The following TMEM145 variants were observed in gnomAD, a reference collection of about 807,000 sequenced individuals.
TMEM145 encodes transmembrane protein 145.
A neutral mutation model predicts 68.5 loss-of-function variants in TMEM145; 46 were observed. That is an observed-to-expected ratio of 0.67 (90% CI 0.53 to 0.86). The LOEUF is 0.86. Ranked by LOEUF, TMEM145 falls within the 40% of genes least tolerant of loss-of-function variation. The pLI is 0.00. For synonymous variants in TMEM145, 255 were observed against 280.2 expected (o/e 0.91, Z 0.90); for missense variants, 570 against 645.8 (o/e 0.88, Z 1.27).
Position 42,323,705 on chromosome 19 carries a change from G to A in TMEM145, c.1317G>A (p.Gln439=). The change falls in exon 14 of 15, where the codon CAG becomes CAA. Residue 439 remains glutamine (Q), a synonymous_variant. Transcript: ENST00000301204. ...AATCCGCTGACAAGGCCTTCCCGCA[G>A]CACGTCTATGGGAACGTGACGTTTA... is the stretch of plus-strand genomic sequence containing the variant. ...GSQSADKAFP[Q]HVYGNVTFIS... The A allele has an allele frequency of 6.2e-7, 1 of 1,614,214 alleles. No homozygotes were observed. Among genetic ancestry groups the A allele is most frequent in the Non-Finnish European group, 8.5e-7 (1 of 1,180,026 alleles).
At chr19:42,317,947 C>T (rs1443458795) in intron 12 of TMEM145, 66 bp downstream of exon 12, 8 of 1,573,562 alleles carry the variant, frequency 5.1e-6, no homozygotes. Flanking sequence ...GTGGTTGCCC[C>T]CCATCTCAGA....
chr19:42,315,205 G>A lies in TMEM145; in HGVS notation c.523G>A (p.Val175Met), dbSNP rs754528284. ...ATCGGCAGGGATCCTGGAGACAGAT[G>A]TGACCTTCCTCCTCATCTTCATCCT... Reference protein sequence around the residue: ...ADEFGILETDVTFLLIFILIF... With the variant: ...ADEFGILETDMTFLLIFILIF... Residue 175 changes from valine (V) to methionine (M), a missense_variant, in exon 7 of 15, where the codon GTG becomes ATG. Val to Met is a conservative substitution (Grantham distance 21, BLOSUM62 1). Coordinates refer to ENST00000301204, the MANE Select transcript of TMEM145 (RefSeq NM_173633.3). The A allele has an allele frequency of 6.2e-7, 1 of 1,609,122 alleles. No homozygotes were observed. The highest frequency in any genetic ancestry group is 1.1e-5 in the South Asian group (1 of 90,642).
chr19:42,314,709 C>T lies in TMEM145; in HGVS notation c.360+10C>T, dbSNP rs544123494. The T allele has an allele frequency of 1.9e-6, 3 of 1,614,218 alleles. No individual in the cohort carries two copies. Among genetic ancestry groups the T allele is most frequent in the East Asian group, 2.2e-5 (1 of 44,874 alleles). ...CTGGTCCGGCTGTCAGGTGCAGGCT[C>T]AGCCTGGGGGAGTGGGCAGGTGCTG... On this transcript the variant is annotated intron_variant, in intron 4 of 14. Coordinates refer to ENST00000301204, the MANE Select transcript of TMEM145 (RefSeq NM_173633.3).
Position 42,314,291 on chromosome 19 carries a change from G to T in TMEM145, c.140G>T (p.Arg47Ile), listed in dbSNP as rs753424832. 1.2e-6 allele frequency: 2 copies of T among 1,614,046 alleles called. No individual in the cohort carries two copies. Among genetic ancestry groups the T allele is most frequent in the South Asian group, 2.2e-5 (2 of 91,072 alleles). Reference protein sequence around the residue: ...SSKEDWVFLTRFCFLSDYGRL... With the variant: ...SSKEDWVFLTIFCFLSDYGRL... Reference sequence around the variant, plus strand: ...TTTCAGGACTGGGTGTTCCTGACAAGATTTTGTTTCCTCTCGGATTACGGC... The same window carrying T: ...TTTCAGGACTGGGTGTTCCTGACAATATTTTGTTTCCTCTCGGATTACGGC... The change falls in exon 2 of 15, where the codon AGA becomes ATA. Residue 47 changes from arginine to isoleucine, a missense_variant. Transcript: ENST00000301204.
chr19:42,321,528 TAC>T (rs2038912424), intron 13 of TMEM145: 2 of 175,864 alleles, frequency 1.1e-5, no homozygotes, highest in Middle Eastern at 4.6e-3. Context: ...TAGCTGGGAC[TAC>T]AGGCGCCCAC....
chr19:42,320,162 C>T (rs530850293), intron 12 of TMEM145, among the ~76,000 whole-genome samples, 155 bp from the exon 13 acceptor site: 2 of 152,292 alleles, frequency 1.3e-5, no homozygotes, highest in African/African-American at 4.8e-5. Context: ...CAGTCCTGCC[C>T]CATTTCAGTC....
intron 13 of TMEM145, chr19:42,320,929 C>T (rs529096345): frequency 7.5e-6 from 3 of 398,416 alleles, no homozygotes; most frequent in African/African-American, 6.2e-5. Context: ...TCGCCGGGCC[C>T]ATGCCCATTT....
rs1482352847 is a variant in TMEM145, at chr19:42,317,793, T to C, written c.985T>C (p.Trp329Arg). 6.2e-7 allele frequency: 1 copy of C among 1,614,132 alleles called. No individual in the cohort carries two copies. Among genetic ancestry groups the C allele is most frequent in the Non-Finnish European group, 8.5e-7 (1 of 1,180,022 alleles). The change falls in exon 12 of 15, where the codon TGG (tryptophan) becomes CGG (arginine). Residue 329 changes from tryptophan to arginine, a missense_variant. Trp to Arg is a moderately radical substitution (Grantham distance 101, BLOSUM62 -3). Transcript: ENST00000301204. ...TGGACTGCAGGTGGCGGCCTACGTG[T>C]GGTTCTGCTATGCTGTGCTTGTCTC... ...LIGLQVAAYVWFCYAVLVSLR... is the reference protein window; with the variant it reads ...LIGLQVAAYVRFCYAVLVSLR...
chr19:42,314,424 C>T (rs1333306385), intron 2 of TMEM145, 27 bp from the exon 3 acceptor site: 1 of 1,614,134 alleles, frequency 6.2e-7, no homozygotes, highest in East Asian at 2.2e-5. Flanking sequence ...GCCCCAGCTC[C>T]CGGTCCCCAA....
rs1363218774 is a variant in TMEM145, at chr19:42,317,986, C to T, written c.1073+105C>T. ...TCCATAGTGAGGGAGATGGACTTTT[C>T]ACTCAGGCAGCTGTTGCCCAGAATC... On this transcript the variant is annotated intron_variant, in intron 12 of 14. Transcript: ENST00000301204. 3.1e-6 allele frequency: 4 copies of T among 1,288,032 alleles called. No individual in the cohort carries two copies. In the African/African-American group the frequency reaches 4.4e-5, roughly 14 times the overall value. 79.8% of individuals were successfully genotyped at this position (1,288,032 alleles called of 1,614,324 possible).
chr19:42,316,762 G>T (rs774339261), intron 10 of TMEM145, 22 bp downstream of exon 10: 1 of 1,612,662 alleles, frequency 6.2e-7, no homozygotes, highest in East Asian at 2.2e-5. Flanking sequence ...GGGCGTGCTC[G>T]TGGGGCGGCT....
chr19:42,317,450 G>A (rs1474668628), intron 11 of TMEM145, among the ~76,000 whole-genome samples: 3 of 152,310 alleles, frequency 2.0e-5, no homozygotes, highest in East Asian at 1.9e-4. Context: ...GACCTACCTC[G>A]TTGAGTAGAT....
intron 11 of TMEM145, among the ~76,000 whole-genome samples, 191 bp from the exon 12 acceptor site, chr19:42,317,518 C>G (rs1017767984): frequency 6.6e-6 from 1 of 152,190 alleles, no homozygotes; most frequent in Non-Finnish European, 1.5e-5. Flanking sequence ...CAAACAGTAA[C>G]TGATTTATTC....
At chr19:42,324,463 G>A (rs2038949256) in intron 14 of TMEM145, 1 of 985,386 alleles carries the variant, frequency 1.0e-6, no homozygotes, top group South Asian at 4.7e-5. Flanking sequence ...CGGCAGCGCC[G>A]CACACCGGCT....
rs139243480 is a variant in TMEM145 at position 42,313,712 on chromosome 19, T to A, written c.120+216T>A. On this transcript the variant is annotated intron_variant, in intron 1 of 14. Coordinates refer to ENST00000301204, the MANE Select transcript of TMEM145 (RefSeq NM_173633.3). The surrounding 1 kb of genome is among the most constrained non-coding windows in gnomAD (Gnocchi z 5.1). The stretch of plus-strand genomic sequence containing the variant: ...GACCTGGGGGTTGTAGGAGGGACGT[T>A]GAGGTCAGAGCTGAGCGGGGAGGGG... Among the ~76,000 whole-genome samples, 1 of 151,954 alleles carries A rather than the reference T, an allele frequency of 6.6e-6. No individual in the cohort carries two copies. The highest frequency in any genetic ancestry group is 1.9e-4 in the East Asian group (1 of 5,130).
In TMEM145 at chr19:42,313,752, A is replaced by T. The variant is rs1417498705; in HGVS notation, c.120+256A>T. Reference sequence around the variant, plus strand: ...GCGGGGAGGGGGAGCGGGTTGGGAGAGTCAGAGTTTGGGAAGGGTGGTGCA... The same window carrying T: ...GCGGGGAGGGGGAGCGGGTTGGGAGTGTCAGAGTTTGGGAAGGGTGGTGCA... On this transcript the variant is annotated intron_variant, in intron 1 of 14. Transcript: ENST00000301204. This position sits in a 1 kb window ranked among gnomAD's most constrained non-coding sequence, Gnocchi z 5.1. Among the ~76,000 whole-genome samples, 1 of 151,602 alleles carries T rather than the reference A, an allele frequency of 6.6e-6. No individual in the cohort carries two copies. The highest frequency in any genetic ancestry group is 2.4e-5 in the African/African-American group (1 of 41,222).
intron 9 of TMEM145, 34 bp downstream of exon 9, chr19:42,316,595 C>G (rs1297080966): frequency 6.2e-7 from 1 of 1,613,648 alleles, no homozygotes; most frequent in Admixed American, 1.7e-5. Context: ...GAGGGTGGAG[C>G]CCAGGGCTCA....
At position 42,322,753 on chromosome 19, in the gene TMEM145, A is replaced by G. The variant is rs537812109; in HGVS notation, c.1195-830A>G. ...AATCTTCCTCTGTCGTCCAGGTTGG[A>G]GTGCAGTGGCATGATCTCGGCTCAC... On this transcript the variant is annotated intron_variant, in intron 13 of 14. Coordinates refer to ENST00000301204, the MANE Select transcript of TMEM145 (RefSeq NM_173633.3). 1.5e-4 allele frequency among the ~76,000 whole-genome samples: 22 copies of G among 151,146 alleles called. No individual in the cohort carries two copies. In the South Asian group the frequency reaches 4.4e-3, roughly 30 times the overall value.
chr19:42,324,996 C>CG lies in TMEM145; in HGVS notation c.*182dup, dbSNP rs2038958496. 9.3e-7 allele frequency: 1 copy of CG among 1,072,746 alleles called. No homozygotes were observed. The highest frequency in any genetic ancestry group is 3.3e-5 in the East Asian group (1 of 30,680). The allele number at this position is 1,072,746 out of a possible 1,614,324, so 66.5% of individuals were successfully genotyped here. ...CATCTCCATTCCGGGGGCCTTCCCTCGGGTCCCTGGCAGAAAGACATTTTA... is the reference window on the plus strand; with the variant it reads ...CATCTCCATTCCGGGGGCCTTCCCTCGGGGTCCCTGGCAGAAAGACATTTTA... On this transcript the variant is annotated 3_prime_UTR_variant, in exon 15 of 15. Coordinates refer to ENST00000301204, the MANE Select transcript of TMEM145 (RefSeq NM_173633.3).
Sources: allele counts gnomAD v4.1 joint callset (sites outside exome capture counted in the v4.1 genomes callset), GRCh38; gene constraint gnomAD v4.1.1; non-coding constraint Gnocchi (gnomAD v3.1); transcripts MANE v1.5; gene names NCBI Gene and HGNC (gene_info 2026-07-23, HGNC 2026-07-21).